CELF2: variants seen among roughly 807,000 people sequenced by gnomAD.
CELF2 encodes the protein CUG triplet repeat RNA-binding protein 2.
In CELF2, 8 loss-of-function variants were observed where a neutral mutation model predicts 62.6. That is an observed-to-expected ratio of 0.13 (90% CI 0.07 to 0.23). CELF2 has a LOEUF of 0.23. CELF2 is among the 10% of genes least tolerant of loss of function. The pLI is 1.00. For synonymous variants in CELF2, 258 were observed against 250.0 expected (o/e 1.03, Z -0.30); for missense variants, 333 against 671.0 (o/e 0.50, Z 5.56).
Position 11,177,015 on chromosome 10 carries a change from C to A in CELF2, c.271+11333C>A, listed in dbSNP as rs2071440974. 6.6e-6 allele frequency among the ~76,000 whole-genome samples: 1 copy of A among 152,190 alleles called. No individual in the cohort carries two copies. The highest frequency in any genetic ancestry group is 1.5e-5 in the Non-Finnish European group (1 of 68,036). ...TTTCAGTGAGACGCTGGTTCCTTCT[C>A]ACCCCTGCACCCTTCCTGGAATCAC... On this transcript the variant is annotated intron_variant, in intron 2 of 12. Coordinates refer to ENST00000633077, the MANE Select transcript of CELF2 (RefSeq NM_001326342.2). The surrounding 1 kb of genome is among the most constrained non-coding windows in gnomAD (Gnocchi z 4.8).
At chr10:10,878,889 T>C (rs2061274726) in intron 1 of CELF2, among the ~76,000 whole-genome samples, 1 of 152,180 alleles carries the variant, frequency 6.6e-6, no homozygotes, top group East Asian at 1.9e-4. Flanking sequence ...TGAAGGGCTA[T>C]GACTGCTTTG....
intron 2 of CELF2, among the ~76,000 whole-genome samples, chr10:11,190,970 A>G (rs2076176858): frequency 6.6e-6 from 1 of 152,054 alleles, no homozygotes; most frequent in African/African-American, 2.4e-5. Context: ...GGAGATGGAC[A>G]GTGGTTACAG....
Position 11,165,085 on chromosome 10 carries a change from A to G in CELF2, c.75-401A>G. On this transcript the variant is annotated intron_variant, in intron 1 of 12. Coordinates refer to ENST00000633077, the MANE Select transcript of CELF2 (RefSeq NM_001326342.2). The surrounding 1 kb of genome is among the most constrained non-coding windows in gnomAD (Gnocchi z 7.4). ...GGAGAGGGAGAGAAATCCAGCAGACATCTAGCTCTGCCTTTCTTTCCCAGC... is the reference window on the plus strand; with the variant it reads ...GGAGAGGGAGAGAAATCCAGCAGACGTCTAGCTCTGCCTTTCTTTCCCAGC... 7.0e-6 allele frequency: 7 copies of G among 995,884 alleles called. No homozygotes were observed. The highest frequency in any genetic ancestry group is 8.4e-6 in the Non-Finnish European group (7 of 836,088). The allele number at this position is 995,884 out of a possible 1,614,324, so 61.7% of individuals were successfully genotyped here.
intron 8 of CELF2, among the ~76,000 whole-genome samples, chr10:11,277,524 G>C (rs1374447245): frequency 6.6e-6 from 1 of 152,224 alleles, no homozygotes; most frequent in African/African-American, 2.4e-5. Flanking sequence ...CCCTCTAAGA[G>C]CTGCTCATGA....
chr10:10,590,633 C>T, the CELF2 span, among the ~76,000 whole-genome samples: 1 of 152,178 alleles, frequency 6.6e-6, no homozygotes, highest in Middle Eastern at 3.2e-3. Flanking sequence ...CTGGACAGCC[C>T]ACCTTGGCAG....
the CELF2 span, among the ~76,000 whole-genome samples, chr10:10,651,768 G>T: frequency 0.12 from 18,752 of 151,342 alleles, 1,500 homozygotes; most frequent in Non-Finnish European, 0.18. Context: ...ACAAAGATGG[G>T]GAAAAAAAAA....
chr10:11,330,912 C>G lies in CELF2; in HGVS notation c.*1859C>G, dbSNP rs1387131642. 6.6e-6 allele frequency: 1 copy of G among 152,518 alleles called. No homozygotes were observed. Among genetic ancestry groups the G allele is most frequent in the Non-Finnish European group, 1.5e-5 (1 of 68,026 alleles). The allele number at this position is 152,518 out of a possible 1,614,324, so 9.4% of individuals were successfully genotyped here. A position where few individuals can be genotyped will look rare whatever the true frequency, so the allele number is the denominator to read the frequency against. On this transcript the variant is annotated 3_prime_UTR_variant, in exon 13 of 13. Coordinates refer to ENST00000633077, the MANE Select transcript of CELF2 (RefSeq NM_001326342.2). This position sits in a 1 kb window ranked among gnomAD's most constrained non-coding sequence, Gnocchi z 4.5. ...AAAAAAACTGTCTGATTTTAAGTCT[C>G]TAGAGGTCTGTAATAGTTTTTACAT...
chr10:10,844,710 A>G (rs2058902858), intron 1 of CELF2, among the ~76,000 whole-genome samples: 1 of 152,124 alleles, frequency 6.6e-6, no homozygotes, highest in African/African-American at 2.4e-5. Flanking sequence ...CTCTGACTTC[A>G]GGAGATTTTA....
At chr10:10,973,146 C>T (rs561035206) in intron 2 of CELF2, among the ~76,000 whole-genome samples, 2 of 151,874 alleles carry the variant, frequency 1.3e-5, no homozygotes, top group Non-Finnish European at 2.9e-5. Context: ...AAAAATTAGC[C>T]AGTCTTGGTG....
chr10:10,815,389 T>C (rs1353959208), intron 1 of CELF2, among the ~76,000 whole-genome samples: 2 of 113,650 alleles, frequency 1.8e-5, no homozygotes, highest in Non-Finnish European at 4.4e-5. Context: ...GGGGAGTGTT[T>C]GTTTGAGAAA....
At chr10:10,889,621 C>G (rs2061995208) in intron 1 of CELF2, among the ~76,000 whole-genome samples, 1 of 152,192 alleles carries the variant, frequency 6.6e-6, no homozygotes, top group African/African-American at 2.4e-5. Context: ...CTGACTTTTG[C>G]TTTCTAATAA....
intron 1 of CELF2, among the ~76,000 whole-genome samples, chr10:10,894,157 CA>C (rs145415817): frequency 1.3e-5 from 2 of 149,942 alleles, no homozygotes; most frequent in Non-Finnish European, 3.0e-5. Flanking sequence ...TCATTTTGGG[CA>C]AAAAAAAGAA....
At chr10:10,868,697 C>T (rs902971181) in intron 1 of CELF2, among the ~76,000 whole-genome samples, 3 of 152,134 alleles carry the variant, frequency 2.0e-5, no homozygotes, top group Non-Finnish European at 4.4e-5. Flanking sequence ...TGGCTGCTCT[C>T]CTGCTTTAAC....
intron 1 of CELF2, among the ~76,000 whole-genome samples, chr10:11,124,297 T>C (rs2058301141): frequency 6.6e-6 from 1 of 152,150 alleles, no homozygotes; most frequent in African/African-American, 2.4e-5. Flanking sequence ...ACACACTCAA[T>C]GTAGTCGCTC....
At chr10:11,327,409 A>G (rs1409622310) in intron 12 of CELF2, among the ~76,000 whole-genome samples, 3 of 152,156 alleles carry the variant, frequency 2.0e-5, no homozygotes, top group African/African-American at 4.8e-5. Flanking sequence ...GCTCATACTG[A>G]TGTAAACCAT....
At chr10:10,877,399 C>T (rs544901575) in intron 1 of CELF2, among the ~76,000 whole-genome samples, 1 of 152,290 alleles carries the variant, frequency 6.6e-6, no homozygotes, top group East Asian at 1.9e-4. Flanking sequence ...TTGGTTCAGC[C>T]CAGAAAGGCA....
intron 1 of CELF2, among the ~76,000 whole-genome samples, chr10:11,136,308 A>C (rs2060429232): frequency 1.3e-5 from 2 of 152,216 alleles, no homozygotes; most frequent in Admixed American, 1.3e-4. Context: ...ACAGCATATG[A>C]AAAGTTAAAC....
chr10:10,939,992 G>A (rs1202141653), intron 2 of CELF2, among the ~76,000 whole-genome samples: 9 of 152,124 alleles, frequency 5.9e-5, no homozygotes, highest in Non-Finnish European at 1.3e-4. Flanking sequence ...TTGGCAACAT[G>A]TCAGGCAGCG....
chr10:10,761,644 G>A, the CELF2 span, among the ~76,000 whole-genome samples: 1,970 of 152,242 alleles, frequency 0.013, 42 homozygotes, highest in African/African-American at 0.045. Context: ...CTCCCACATC[G>A]CAAGAGAGAA....
Sources: gnomAD v4.1 joint callset for allele counts (sites outside exome capture counted in the v4.1 genomes callset) on GRCh38, gnomAD v4.1.1 for gene constraint, Gnocchi (gnomAD v3.1) non-coding constraint, MANE v1.5 for transcripts, NCBI Gene and HGNC (gene_info 2026-07-23, HGNC 2026-07-21) for gene names.